NUDT3: variants seen among roughly 807,000 people sequenced by gnomAD.
The protein encoded by NUDT3 is nudix hydrolase 3.
Under a neutral mutation model 23.6 loss-of-function variants are expected in NUDT3, and 9 were observed. The observed-to-expected ratio is 0.38, with a 90% confidence interval of 0.23 to 0.66. The LOEUF (loss-of-function observed/expected upper bound fraction) is 0.66. Ranked by LOEUF, NUDT3 falls within the 30% of genes least tolerant of loss-of-function variation. The pLI, the probability that NUDT3 is intolerant of heterozygous loss-of-function variation, is 0.52. For synonymous variants in NUDT3, 86 were observed against 82.6 expected, an observed-to-expected ratio of 1.04 and a Z score of -0.22; for missense variants, 172 against 218.5, an observed-to-expected ratio of 0.79 and a Z score of 1.34.
chr6:34,350,213 C>T (rs1764446196), intron 1 of NUDT3, among the ~76,000 whole-genome samples: 1 of 150,866 alleles, frequency 6.6e-6, no homozygotes, highest in Non-Finnish European at 1.5e-5. Context: ...CAGTTGCATA[C>T]AGTAAAGCAC....
intron 1 of NUDT3, among the ~76,000 whole-genome samples, chr6:34,348,314 G>A (rs532670818): frequency 3.2e-5 from 4 of 123,434 alleles, no homozygotes; most frequent in South Asian, 2.6e-4. Context: ...AACAGAAACC[G>A]CCCCCCACCA....
intron 2 of NUDT3, among the ~76,000 whole-genome samples, chr6:34,305,841 T>C (rs1763671335): frequency 2.0e-5 from 3 of 152,246 alleles, no homozygotes; most frequent in South Asian, 4.1e-4. Context: ...AAGCTGGCTC[T>C]GTTGTTGGTT....
intron 1 of NUDT3, among the ~76,000 whole-genome samples, chr6:34,375,267 C>A (rs1467875048): frequency 6.6e-6 from 1 of 152,080 alleles, no homozygotes; most frequent in African/African-American, 2.4e-5. Context: ...TTGCTTGAAA[C>A]GGGGAGGCAG....
chr6:34,329,499 A>T (rs148481022), intron 2 of NUDT3, among the ~76,000 whole-genome samples: 14,633 of 151,952 alleles, frequency 0.096, 805 homozygotes, highest in Non-Finnish European at 0.12. Flanking sequence ...CAGGCTGGTC[A>T]CGAACTCCTG....
chr6:34,328,976 AAC>A (rs560740958), intron 2 of NUDT3, among the ~76,000 whole-genome samples: 263 of 152,336 alleles, frequency 1.7e-3, no homozygotes, highest in African/African-American at 6.1e-3. Flanking sequence ...ATGAAAATAC[AAC>A]ACAGTCATAC....
In NUDT3 at chr6:34,392,397, C is replaced by G. The variant is rs745566852; in HGVS notation, c.-35G>C. 1 of 1,557,678 alleles carries G rather than the reference C, an allele frequency of 6.4e-7. No homozygotes were observed. The highest frequency in any genetic ancestry group is 1.4e-5 in the African/African-American group (1 of 71,426). On this transcript the variant is annotated 5_prime_UTR_variant, in exon 1 of 5. Coordinates refer to ENST00000607016, the MANE Select transcript of NUDT3 (RefSeq NM_006703.4). ...CCGGGTGGGGGTGCGGTGCGGGTCG[C>G]AGGAGTCGAGGGGTGGGGAGCCCGC...
At chr6:34,337,295 G>A (rs4713772) in intron 2 of NUDT3, among the ~76,000 whole-genome samples, 13,381 of 152,108 alleles carry the variant, frequency 0.088, 1,319 homozygotes, top group East Asian at 0.43. Context: ...GGCTGAGAAC[G>A]GCAGGCAGAG....
At chr6:34,332,612 G>C (rs1260549542) in intron 2 of NUDT3, among the ~76,000 whole-genome samples, 1 of 152,140 alleles carries the variant, frequency 6.6e-6, no homozygotes, top group African/African-American at 2.4e-5. Flanking sequence ...CATTGCATGA[G>C]GTAGCATAAG....
rs1421156738 is a variant in NUDT3, at chr6:34,293,517, T to C, written c.274A>G (p.Arg92Gly). 13 of 1,614,096 alleles carry C rather than the reference T, an allele frequency of 8.1e-6. No individual in the cohort carries two copies. The highest frequency in any genetic ancestry group is 9.3e-6 in the Non-Finnish European group (11 of 1,180,026). ...GIFENQERKH[R>G]TYVYVLIVTE... ...ACAATGAGCACATAGACATACGTCC[T>C]GTGCTTCCTCTCCTGGTTCTGAAGG... The change falls in exon 4 of 5, where the codon AGG (arginine) becomes GGG (glycine). Residue 92 changes from arginine to glycine, a missense_variant. By Grantham distance (125) the Arg-to-Gly change is moderately radical. Coordinates refer to ENST00000607016, the MANE Select transcript of NUDT3 (RefSeq NM_006703.4).
intron 1 of NUDT3, among the ~76,000 whole-genome samples, chr6:34,366,188 A>G (rs1381915399): frequency 6.6e-6 from 1 of 150,664 alleles, no homozygotes; most frequent in Non-Finnish European, 1.5e-5. Context: ...GCAACATAGG[A>G]AGACCCCATC....
At chr6:34,326,873 T>TTACAGGCGTGAA (rs1326330126) in intron 2 of NUDT3, among the ~76,000 whole-genome samples, 2 of 152,098 alleles carry the variant, frequency 1.3e-5, no homozygotes, top group African/African-American at 4.8e-5. Context: ...AGTGCTGGGA[T>TTACAGGCGTGAA]TACAGGCGTG....
At chr6:34,365,994 T>C (rs558106982) in intron 1 of NUDT3, among the ~76,000 whole-genome samples, 193 of 152,238 alleles carry the variant, frequency 1.3e-3, no homozygotes, top group African/African-American at 4.5e-3. Flanking sequence ...TGAGCCAAGA[T>C]TGCGCCACTG....
Position 34,293,574 on chromosome 6 carries a change from T to C in NUDT3, c.256-39A>G, listed in dbSNP as rs772288921. 6.2e-6 allele frequency: 10 copies of C among 1,612,078 alleles called. No individual in the cohort carries two copies. The East Asian group carries it at 2.0e-4, about 32-fold the overall frequency. ...AGAGAAGGATAGAGAGAGTTTTTCC[T>C]TAGAAAGCTGGAATTACTTAAATGA... On this transcript the variant is annotated intron_variant, in intron 3 of 4. Coordinates refer to ENST00000607016, the MANE Select transcript of NUDT3 (RefSeq NM_006703.4).
rs957166787 is a variant in NUDT3 at position 34,382,072 on chromosome 6, C to CAA, written c.99+10190_99+10191dup. Among the ~76,000 whole-genome samples the CAA allele has an allele frequency of 2.6e-3, 91 of 34,906 alleles. 1 individual carries two copies. The highest frequency in any genetic ancestry group is 0.037 in the Middle Eastern group (2 of 54). The allele number at this position is 34,906 out of a possible 152,430, so 22.9% of individuals were successfully genotyped here. A position where few individuals can be genotyped will look rare whatever the true frequency, so the allele number is the denominator to read the frequency against. ...TGAGCGACAGAGCGAGACTCTATCT[C>CAA]AAAAAAAAAAAAAAAAAAAAAAAAA... is the stretch of plus-strand genomic sequence containing the variant. On this transcript the variant is annotated intron_variant, in intron 1 of 4. Transcript: ENST00000607016.
chr6:34,333,461 C>CAT (rs142434847), intron 2 of NUDT3, among the ~76,000 whole-genome samples: 14,566 of 152,158 alleles, frequency 0.096, 784 homozygotes, highest in Non-Finnish European at 0.12. Context: ...TATGAACTAA[C>CAT]AAAGATAACC....
chr6:34,318,435 A>G (rs1763892769), intron 2 of NUDT3, among the ~76,000 whole-genome samples: 1 of 152,172 alleles, frequency 6.6e-6, no homozygotes, highest in South Asian at 2.1e-4. Flanking sequence ...ATATTTACAT[A>G]TATATGAACA....
intron 2 of NUDT3, among the ~76,000 whole-genome samples, chr6:34,340,744 A>T (rs1324004290): frequency 6.6e-6 from 1 of 152,230 alleles, no homozygotes; most frequent in Non-Finnish European, 1.5e-5. Context: ...TGTATTAATT[A>T]CTTTCTGTTC....
intron 2 of NUDT3, among the ~76,000 whole-genome samples, chr6:34,339,640 G>C (rs7341244): frequency 3.0e-4 from 46 of 152,100 alleles, no homozygotes; most frequent in Non-Finnish European, 6.0e-4. Context: ...TATAAATAAG[G>C]CTTCACTGGA....
chr6:34,369,911 T>C (rs1764800750), intron 1 of NUDT3, among the ~76,000 whole-genome samples: 2 of 151,778 alleles, frequency 1.3e-5, no homozygotes, highest in African/African-American at 4.8e-5. Flanking sequence ...GAAAGGTACA[T>C]AATATTCATA....
Sources: allele counts gnomAD v4.1 joint callset (sites outside exome capture counted in the v4.1 genomes callset), GRCh38; gene constraint gnomAD v4.1.1; transcripts MANE v1.5; gene names NCBI Gene and HGNC (gene_info 2026-07-23, HGNC 2026-07-21).